The following MARCHF1 variants were observed in gnomAD, a reference collection of about 807,000 sequenced individuals.
MARCHF1 encodes E3 ubiquitin-protein ligase MARCHF1.
Under a neutral mutation model 54.2 loss-of-function variants are expected in MARCHF1, and 40 were observed. The observed-to-expected ratio is 0.74, with a 90% CI of 0.57 to 0.96. MARCHF1 has a LOEUF of 0.96. MARCHF1 is among the 40% of genes least tolerant of loss of function. The probability of loss-of-function intolerance (pLI) is 0.00; values close to 1 mark genes in which losing one functional copy is unlikely to be tolerated. For synonymous variants in MARCHF1, 236 were observed against 236.3 expected (o/e 1.00, Z 0.01); for missense variants, 586 against 656.5 (o/e 0.89, Z 1.17).
intron 5 of MARCHF1, among the ~76,000 whole-genome samples, chr4:163,693,753 CACATGT>C (rs1283264601): frequency 6.6e-6 from 1 of 152,120 alleles, no homozygotes; most frequent in East Asian, 1.9e-4. Context: ...AGCTTAATAA[CACATGT>C]TATATTGTCC....
At chr4:163,817,209 A>G (rs536034203) in intron 4 of MARCHF1, among the ~76,000 whole-genome samples, 2 of 151,856 alleles carry the variant, frequency 1.3e-5, no homozygotes, top group South Asian at 2.1e-4. Context: ...GTTCTCCCCA[A>G]TTTTACCACT....
At chr4:164,273,234 G>GCAAGGCAGCTTCTTCA (rs1365026692) in intron 1 of MARCHF1, among the ~76,000 whole-genome samples, 50 of 152,238 alleles carry the variant, frequency 3.3e-4, no homozygotes, top group Non-Finnish European at 1.9e-4. Context: ...CAAAGGGGAA[G>GCAAGGCAGCTTCTTCA]CAAGGCAGCT....
chr4:164,105,184 T>C (rs1479964147), intron 2 of MARCHF1, among the ~76,000 whole-genome samples: 18 of 100,922 alleles, frequency 1.8e-4, no homozygotes, highest in South Asian at 7.9e-4. Flanking sequence ...AAAATGGCCA[T>C]ACTGCCCAAG....
intron 1 of MARCHF1, among the ~76,000 whole-genome samples, chr4:164,146,375 A>C (rs1322227037): frequency 6.6e-6 from 1 of 151,858 alleles, no homozygotes; most frequent in Non-Finnish European, 1.5e-5. Context: ...GTCAATCCTG[A>C]ACCAAAAGAA....
At chr4:164,324,874 A>G (rs1344287689) in intron 1 of MARCHF1, among the ~76,000 whole-genome samples, 1 of 151,672 alleles carries the variant, frequency 6.6e-6, no homozygotes. Flanking sequence ...ACCAAAATAG[A>G]AAGTCTTAAA....
intron 1 of MARCHF1, among the ~76,000 whole-genome samples, chr4:164,379,742 T>C (rs1731313141): frequency 1.3e-5 from 2 of 151,984 alleles, no homozygotes; most frequent in African/African-American, 2.4e-5. Flanking sequence ...TCTCAGCACT[T>C]TGGGAGGCTG....
chr4:164,319,992 T>C (rs1050997218), intron 1 of MARCHF1, among the ~76,000 whole-genome samples: 1 of 152,190 alleles, frequency 6.6e-6, no homozygotes, highest in Non-Finnish European at 1.5e-5. Context: ...TTTTTTTTAC[T>C]GTAAGAGGGA....
rs565519411 is a variant in MARCHF1, at chr4:163,939,223, A to G, written c.-39+49278T>C. 2.0e-5 allele frequency among the ~76,000 whole-genome samples: 3 copies of G among 152,298 alleles called. No individual in the cohort carries two copies. In the East Asian group the frequency reaches 5.8e-4, roughly 29 times the overall value. The stretch of plus-strand genomic sequence containing the variant: ...TGGGAAACTCTCTGGGATATAAAAC[A>G]GAGGTGTTTTGTAATTTAAACGTGC... On this transcript the variant is annotated intron_variant, in intron 3 of 9. Coordinates refer to ENST00000514618, the MANE Select transcript of MARCHF1 (RefSeq NM_001394959.1).
chr4:163,664,913 T>A (rs1307535688), intron 5 of MARCHF1, among the ~76,000 whole-genome samples: 2 of 152,070 alleles, frequency 1.3e-5, no homozygotes, highest in African/African-American at 4.8e-5. Context: ...ATTTTAAAAT[T>A]AGAAAAATTA....
intron 3 of MARCHF1, among the ~76,000 whole-genome samples, chr4:163,890,774 G>T (rs1257807129): frequency 6.6e-6 from 1 of 152,066 alleles, no homozygotes; most frequent in African/African-American, 2.4e-5. Flanking sequence ...CTCCCAAAGT[G>T]CTGGGATTAT....
chr4:164,062,135 T>A (rs190490781), intron 2 of MARCHF1, among the ~76,000 whole-genome samples: 3 of 152,348 alleles, frequency 2.0e-5, no homozygotes, highest in Admixed American at 6.5e-5. Flanking sequence ...CAGAAATAGA[T>A]TCCATCTCAG....
At chr4:163,902,764 C>T (rs1025716140) in intron 3 of MARCHF1, among the ~76,000 whole-genome samples, 12 of 152,184 alleles carry the variant, frequency 7.9e-5, no homozygotes, top group African/African-American at 2.2e-4. Context: ...TGAACAAATA[C>T]ATATCATTAT....
chr4:164,225,355 A>T (rs1323197493), intron 1 of MARCHF1, among the ~76,000 whole-genome samples: 1 of 152,050 alleles, frequency 6.6e-6, no homozygotes, highest in Admixed American at 6.6e-5. Flanking sequence ...TAACTCCTCT[A>T]ACTGCCTATT....
At chr4:164,135,118 T>C (rs1221913429) in intron 1 of MARCHF1, among the ~76,000 whole-genome samples, 3 of 152,226 alleles carry the variant, frequency 2.0e-5, no homozygotes, top group Non-Finnish European at 4.4e-5. Flanking sequence ...TTCTATTTTA[T>C]GTAGAGCTTC....
At position 163,595,683 on chromosome 4, in the gene MARCHF1, T is replaced by C. The variant is rs1740745119; in HGVS notation, c.1011-9754A>G. Among the ~76,000 whole-genome samples the C allele has an allele frequency of 2.0e-5, 3 of 152,134 alleles. No individual in the cohort carries two copies. The South Asian group carries it at 6.2e-4, about 31-fold the overall frequency. The stretch of plus-strand genomic sequence containing the variant: ...GATAAATATCACATAATATCACTTA[T>C]ATGAAATGTACAAAATAGTCAAACA... On this transcript the variant is annotated intron_variant, in intron 7 of 9. Transcript: ENST00000514618.
intron 3 of MARCHF1, among the ~76,000 whole-genome samples, chr4:163,948,180 A>G (rs1485947448): frequency 6.6e-6 from 1 of 152,148 alleles, no homozygotes; most frequent in Non-Finnish European, 1.5e-5. Context: ...AAACTAAATA[A>G]CCAATATCCT....
rs1753798086 is a variant in MARCHF1, at chr4:164,027,562, A to G, written c.-247-38853T>C. Among the ~76,000 whole-genome samples, 3 of 152,082 alleles carry G rather than the reference A, an allele frequency of 2.0e-5. No homozygotes were observed. In the South Asian group the frequency reaches 6.2e-4, roughly 32 times the overall value. ...GGCTAGCCATATGCAGAAGAATGAA[A>G]CTGTACCCCTACATTTTACCATATA... On this transcript the variant is annotated intron_variant, in intron 2 of 9. Coordinates refer to ENST00000514618, the MANE Select transcript of MARCHF1 (RefSeq NM_001394959.1).
intron 5 of MARCHF1, among the ~76,000 whole-genome samples, chr4:163,658,833 T>A (rs1202398733): frequency 6.6e-6 from 1 of 151,888 alleles, no homozygotes; most frequent in African/African-American, 2.4e-5. Flanking sequence ...GAAAAATAAC[T>A]AATGTGTGCT....
chr4:163,957,807 C>A (rs547122820), intron 3 of MARCHF1, among the ~76,000 whole-genome samples: 3 of 152,012 alleles, frequency 2.0e-5, no homozygotes, highest in East Asian at 3.9e-4. Context: ...CTAACCAGCT[C>A]TCTGTACATC....
Sources: gnomAD v4.1 joint callset for allele counts (sites outside exome capture counted in the v4.1 genomes callset) on GRCh38, gnomAD v4.1.1 for gene constraint, MANE v1.5 for transcripts, NCBI Gene and HGNC (gene_info 2026-07-23, HGNC 2026-07-21) for gene names.